PTCH1: variants seen among roughly 807,000 people sequenced by gnomAD.
The protein encoded by PTCH1 is patched 1, also known as protein patched homolog 1.
A neutral mutation model predicts 144.6 loss-of-function variants in PTCH1; 14 were observed. That is an observed-to-expected ratio of 0.10 (90% CI 0.06 to 0.15). The LOEUF is 0.15. Among genes scored for constraint, PTCH1 ranks in the 10% least tolerant of loss-of-function variants. The probability of loss-of-function intolerance (pLI) is 1.00; values close to 1 mark genes in which losing one functional copy is unlikely to be tolerated. For synonymous variants in PTCH1, 833 were observed against 793.6 expected (o/e 1.05, Z -0.83); for missense variants, 1,623 against 1,948.3 (o/e 0.83, Z 3.14).
rs1259643527 is a variant in PTCH1 at position 95,444,938 on chromosome 9, G to A, written c.*1455C>T. 6.6e-6 allele frequency: 1 copy of A among 152,332 alleles called. No individual in the cohort carries two copies. The highest frequency in any genetic ancestry group is 1.9e-4 in the East Asian group (1 of 5,184). 9.4% of individuals were successfully genotyped at this position (152,332 alleles called of 1,614,324 possible). ...CTGCCCCTGCCTACATCTTTCAGTG[G>A]GGTGTGTCCATCCTCCTGCTTTCCC... On this transcript the variant is annotated 3_prime_UTR_variant, in exon 24 of 24. Transcript: ENST00000331920.
rs2118874346 is a variant in PTCH1, at chr9:95,506,432, G to T, written c.369C>A (p.Thr123=). ...CTTCCACCCACAGCTCCTCCACGTT[G>T]GTCTCGAGGTTCGCTGCTTTTAATC... The part of the protein sequence containing the change: ...AVGLKAANLE[T]NVEELWVEVG... The change falls in exon 2 of 24, where the codon ACC becomes ACA. Residue 123 remains threonine, a synonymous_variant. Coordinates refer to ENST00000331920, the MANE Select transcript of PTCH1 (RefSeq NM_000264.5). 1 of 1,612,162 alleles carries T rather than the reference G, an allele frequency of 6.2e-7. No homozygotes were observed. Among genetic ancestry groups the T allele is most frequent in the Non-Finnish European group, 8.5e-7 (1 of 1,179,420 alleles).
intron 2 of PTCH1, among the ~76,000 whole-genome samples, chr9:95,488,862 G>C (rs1417603038): frequency 6.6e-6 from 1 of 152,194 alleles, no homozygotes; most frequent in Non-Finnish European, 1.5e-5. Context: ...ACAACATTTA[G>C]GTGACTTTGA....
chr9:95,512,485 G>A (rs998850337), upstream of PTCH1, among the ~76,000 whole-genome samples: 3 of 151,774 alleles, frequency 2.0e-5, no homozygotes, highest in African/African-American at 7.3e-5. Flanking sequence ...AGAAAGGGAA[G>A]AGGAGCCAGT....
chr9:95,447,067 G>C lies in PTCH1; in HGVS notation c.4189C>G (p.Leu1397Val). 1 of 1,614,076 alleles carries C rather than the reference G, an allele frequency of 6.2e-7. No homozygotes were observed. The highest frequency in any genetic ancestry group is 8.5e-7 in the Non-Finnish European group (1 of 1,180,014). ...TCAGTCTCAGGGTAGCCTGGGCAGA[G>C]TCCCCCTCGGGGGTTCCGCCCAGGC... The part of the protein sequence containing the change: ...PGPGRNPRGG[L>V]CPGYPETDHG... Residue 1397 changes from leucine to valine, a missense_variant, in exon 23 of 24, where the codon CTC becomes GTC. Leu to Val is a conservative substitution (Grantham distance 32). Coordinates refer to ENST00000331920, the MANE Select transcript of PTCH1 (RefSeq NM_000264.5).
In PTCH1 at chr9:95,476,647, C is replaced by A; in HGVS notation, c.1602+112G>T. The A allele has an allele frequency of 9.9e-7, 1 of 1,013,198 alleles. No individual in the cohort carries two copies. Among genetic ancestry groups the A allele is most frequent in the East Asian group, 2.6e-5 (1 of 38,522 alleles). The allele number at this position is 1,013,198 out of a possible 1,614,324, so 62.8% of individuals were successfully genotyped here. A position where few individuals can be genotyped will look rare whatever the true frequency, so the allele number is the denominator to read the frequency against. ...TGGCAGCCAGTGACACATCATCTGA[C>A]ATGGGACTGAAATCTTTACTGGGTC... On this transcript the variant is annotated intron_variant, in intron 11 of 23. Coordinates refer to ENST00000331920, the MANE Select transcript of PTCH1 (RefSeq NM_000264.5). The surrounding 1 kb of genome is among the most constrained non-coding windows in gnomAD (Gnocchi z 4.6).
intron 15 of PTCH1, among the ~76,000 whole-genome samples, chr9:95,465,465 T>C (rs547126058): frequency 1.3e-5 from 2 of 152,282 alleles, no homozygotes; most frequent in East Asian, 3.9e-4. Flanking sequence ...AAAATAAAAC[T>C]TGGAACAAAT....
chr9:95,456,200 C>A (rs1160040526), intron 19 of PTCH1, 76 bp downstream of exon 19: 1 of 1,595,880 alleles, frequency 6.3e-7, no homozygotes, highest in South Asian at 1.1e-5. Context: ...ATGCAAGGTT[C>A]CCACTTGGAG....
upstream of PTCH1, among the ~76,000 whole-genome samples, chr9:95,509,545 C>T (rs555520678): frequency 3.6e-3 from 545 of 152,366 alleles, 2 homozygotes; most frequent in Non-Finnish European, 6.4e-3. Context: ...TCCTTTCTCT[C>T]TTATTCCTTT....
chr9:95,462,404 CAG>C (rs887710648), intron 15 of PTCH1, among the ~76,000 whole-genome samples: 2 of 152,156 alleles, frequency 1.3e-5, no homozygotes, highest in African/African-American at 4.8e-5. Flanking sequence ...AAATTCCACA[CAG>C]AGGGGAAAAA....
At chr9:95,506,913 C>T in intron 1 of PTCH1, 1 of 1,092,136 alleles carries the variant, frequency 9.2e-7, no homozygotes, top group Non-Finnish European at 1.1e-6. Flanking sequence ...AGGAGAGAAA[C>T]CACTCGACAC....
At chr9:95,487,773 T>C (rs1180780024) in intron 2 of PTCH1, among the ~76,000 whole-genome samples, 2 of 152,220 alleles carry the variant, frequency 1.3e-5, no homozygotes, top group South Asian at 2.1e-4. Flanking sequence ...GCACGTGGTT[T>C]TTCATTCTGA....
rs1233958013 is a variant in PTCH1 at position 95,443,518 on chromosome 9, A to T, written c.*2875T>A. 1.3e-5 allele frequency: 2 copies of T among 152,670 alleles called. No homozygotes were observed. The highest frequency in any genetic ancestry group is 4.8e-5 in the African/African-American group (2 of 41,474). 9.5% of individuals were successfully genotyped at this position (152,670 alleles called of 1,614,324 possible). A position where few individuals can be genotyped will look rare whatever the true frequency, so the allele number is the denominator to read the frequency against. On this transcript the variant is annotated 3_prime_UTR_variant, in exon 24 of 24. Transcript: ENST00000331920. ...TTTTCACCTTCCAAGGTTTGAAATG[A>T]GAAGCATGCTAGGTCGCCAATGGTA...
chr9:95,494,520 G>A, intron 2 of PTCH1: 2 of 907,054 alleles, frequency 2.2e-6, no homozygotes, highest in African/African-American at 1.8e-5. Context: ...CCGGAACAGC[G>A]TACTTTCCAA....
In PTCH1 at chr9:95,475,171, T is replaced by C. The variant is rs117609954; in HGVS notation, c.1728+863A>G. ...AATTTCAGGTAGCTCAAGGGCAACGTCAGTAATTTACTCCAGGCGCAGAAC... is the reference window on the plus strand; with the variant it reads ...AATTTCAGGTAGCTCAAGGGCAACGCCAGTAATTTACTCCAGGCGCAGAAC... On this transcript the variant is annotated intron_variant, in intron 12 of 23. Coordinates refer to ENST00000331920, the MANE Select transcript of PTCH1 (RefSeq NM_000264.5). Among the ~76,000 whole-genome samples the C allele has an allele frequency of 2.9e-3, 448 of 152,314 alleles. 2 individuals carry two copies. The highest frequency in any genetic ancestry group is 0.014 in the Middle Eastern group (4 of 294).
intron 20 of PTCH1, chr9:95,451,445 G>A (rs1298980169): frequency 6.6e-6 from 1 of 152,170 alleles, no homozygotes; most frequent in Non-Finnish European, 1.5e-5. Flanking sequence ...ATATTTCTGG[G>A]CGGGAACAAC....
chr9:95,516,768 G>A (rs1844387080), exon 1 of PTCH1: 6 of 1,613,322 alleles, frequency 3.7e-6, no homozygotes, highest in Non-Finnish European at 4.2e-6. Context: ...GGCTTTCGGC[G>A]GAGTGCAGCG....
chr9:95,465,721 G>A (rs904176569), intron 15 of PTCH1, among the ~76,000 whole-genome samples: 2 of 152,122 alleles, frequency 1.3e-5, no homozygotes, highest in African/African-American at 4.8e-5. Context: ...GACCAAAAAA[G>A]GCACTTACAT....
chr9:95,507,924 A>C, intron 1 of PTCH1: 1 of 1,303,710 alleles, frequency 7.7e-7, no homozygotes, highest in Non-Finnish European at 1.0e-6. Context: ...ACACACGCAC[A>C]CACACACACC....
Position 95,449,317 on chromosome 9 carries a change from G to A in PTCH1, c.3556C>T (p.Pro1186Ser), listed in dbSNP as rs886300092. The change falls in exon 22 of 24, where the codon CCA (proline) becomes TCA (serine). Residue 1186 changes from proline (P) to serine (S), a missense_variant. Transcript: ENST00000331920. The surrounding 1 kb of genome is among the most constrained non-coding windows in gnomAD (Gnocchi z 5.3). ...SFFGPYPEVS[P>S]ANGLNRLPTP... ...GGCAGGCGGTTCAAGCCGTTGGCTG[G>A]AGACACCTATTTAAGGGGATTCCAT... 1 of 1,550,088 alleles carries A rather than the reference G, an allele frequency of 6.5e-7. No homozygotes were observed. The highest frequency in any genetic ancestry group is 8.7e-7 in the Non-Finnish European group (1 of 1,148,840).
Sources: allele counts gnomAD v4.1 joint callset (sites outside exome capture counted in the v4.1 genomes callset), GRCh38; gene constraint gnomAD v4.1.1; non-coding constraint Gnocchi (gnomAD v3.1); transcripts MANE v1.5; gene names NCBI Gene and HGNC (gene_info 2026-07-23, HGNC 2026-07-21).